CNTN3: variants seen among roughly 807,000 people sequenced by gnomAD.
CNTN3 encodes the protein contactin-3.
In CNTN3, 60 loss-of-function variants were observed where a neutral mutation model predicts 119.1. The observed-to-expected ratio is 0.50, with a 90% confidence interval of 0.41 to 0.62. The LOEUF is 0.62. CNTN3 is among the 20% of genes least tolerant of loss of function. The pLI is 0.00. For missense variants in CNTN3, 1,101 were observed against 1,242.4 expected (o/e 0.89, Z 1.71); for synonymous variants, 450 against 438.7 (o/e 1.03, Z -0.32).
At chr3:74,472,250 T>C (rs9819617) in intron 4 of CNTN3, among the ~76,000 whole-genome samples, 46,735 of 152,104 alleles carry the variant, frequency 0.31, 7,356 homozygotes, top group Non-Finnish European at 0.35. Context: ...CTCATCTCAA[T>C]ATGCTTTTAG....
chr3:74,496,075 C>A (rs1241511667), intron 3 of CNTN3, among the ~76,000 whole-genome samples: 2 of 152,016 alleles, frequency 1.3e-5, no homozygotes, highest in South Asian at 2.1e-4. Flanking sequence ...TGTGACTGAA[C>A]AACTGAATTT....
intron 1 of CNTN3, among the ~76,000 whole-genome samples, chr3:74,609,896 T>C (rs2106717181): frequency 6.6e-6 from 1 of 152,254 alleles, no homozygotes. Context: ...TTCCAAGTTA[T>C]ACTAAGCATA....
chr3:74,449,602 G>C (rs1366611759), intron 4 of CNTN3, among the ~76,000 whole-genome samples: 2 of 152,080 alleles, frequency 1.3e-5, no homozygotes, highest in African/African-American at 4.8e-5. Flanking sequence ...AGTCAGACCA[G>C]TGATCTGAGG....
At chr3:74,425,210 G>C (rs1379072329) in intron 4 of CNTN3, among the ~76,000 whole-genome samples, 1 of 152,048 alleles carries the variant, frequency 6.6e-6, no homozygotes, top group Non-Finnish European at 1.5e-5. Flanking sequence ...CCAACAGGTA[G>C]GTAGTTTTCT....
chr3:74,472,336 G>A (rs1056254793), intron 4 of CNTN3, among the ~76,000 whole-genome samples: 1 of 152,034 alleles, frequency 6.6e-6, no homozygotes, highest in African/African-American at 2.4e-5. Context: ...TCACATATAT[G>A]CACCTTAAAA....
intron 1 of CNTN3, among the ~76,000 whole-genome samples, chr3:74,538,489 G>A (rs913272153): frequency 2.0e-5 from 3 of 152,034 alleles, no homozygotes; most frequent in South Asian, 2.1e-4. Context: ...TTAGCAAAAC[G>A]GGTGCTTTGA....
chr3:74,550,581 C>T (rs1237480920), intron 1 of CNTN3, among the ~76,000 whole-genome samples: 1 of 152,116 alleles, frequency 6.6e-6, no homozygotes, highest in African/African-American at 2.4e-5. Context: ...CTCTGTCACC[C>T]AGGCTGGAGT....
At chr3:74,399,345 T>A (rs34817351) in intron 5 of CNTN3, among the ~76,000 whole-genome samples, 4 of 151,868 alleles carry the variant, frequency 2.6e-5, no homozygotes, top group Non-Finnish European at 5.9e-5. Flanking sequence ...CCCATCCATG[T>A]GATCATTTGT....
At chr3:74,279,772 C>T (rs911500665) in intron 20 of CNTN3, among the ~76,000 whole-genome samples, 2 of 151,928 alleles carry the variant, frequency 1.3e-5, no homozygotes, top group Non-Finnish European at 2.9e-5. Flanking sequence ...ACCACCTGTA[C>T]CCCACTAACC....
At chr3:74,583,021 C>A (rs182369942) in intron 1 of CNTN3, among the ~76,000 whole-genome samples, 2 of 152,058 alleles carry the variant, frequency 1.3e-5, no homozygotes, top group Non-Finnish European at 2.9e-5. Flanking sequence ...GGAGACACAC[C>A]AGAGTTGGTC....
chr3:74,483,767 C>G (rs1702803834), intron 4 of CNTN3, among the ~76,000 whole-genome samples: 1 of 152,092 alleles, frequency 6.6e-6, no homozygotes, highest in Non-Finnish European at 1.5e-5. Flanking sequence ...AGCCTCATGT[C>G]TTCTTCCAGC....
intron 1 of CNTN3, among the ~76,000 whole-genome samples, chr3:74,550,745 T>C (rs918152805): frequency 6.6e-6 from 1 of 152,190 alleles, no homozygotes; most frequent in Non-Finnish European, 1.5e-5. Flanking sequence ...TCTTGCCATG[T>C]TGCCCAGGCT....
At chr3:74,408,418 GA>G (rs893742404) in intron 5 of CNTN3, among the ~76,000 whole-genome samples, 4 of 152,144 alleles carry the variant, frequency 2.6e-5, no homozygotes, top group Non-Finnish European at 5.9e-5. Context: ...AGGTATCACA[GA>G]AAAAGAAAGT....
intron 20 of CNTN3, among the ~76,000 whole-genome samples, chr3:74,270,152 ATGT>A (rs1471849702): frequency 6.6e-6 from 1 of 152,084 alleles, no homozygotes; most frequent in African/African-American, 2.4e-5. Flanking sequence ...GCTCTCACTG[ATGT>A]TGGCGTTGGC....
intron 1 of CNTN3, among the ~76,000 whole-genome samples, chr3:74,570,964 T>C (rs763169955): frequency 1.3e-5 from 2 of 152,328 alleles, no homozygotes; most frequent in African/African-American, 2.4e-5. Flanking sequence ...CTTGGAAATA[T>C]GATAATGAAA....
At chr3:74,548,818 C>T (rs2107157079) in intron 1 of CNTN3, among the ~76,000 whole-genome samples, 1 of 152,272 alleles carries the variant, frequency 6.6e-6, no homozygotes, top group Middle Eastern at 3.4e-3. Flanking sequence ...TTGGCTTTTA[C>T]ATTTAAATTA....
At chr3:74,531,492 A>T (rs1176590270) in intron 1 of CNTN3, among the ~76,000 whole-genome samples, 1 of 151,984 alleles carries the variant, frequency 6.6e-6, no homozygotes, top group Non-Finnish European at 1.5e-5. Context: ...TCTTAGAGAA[A>T]AAGGTCGGCT....
At chr3:74,538,409 GT>G (rs1186157894) in intron 1 of CNTN3, among the ~76,000 whole-genome samples, 1 of 152,136 alleles carries the variant, frequency 6.6e-6, no homozygotes, top group East Asian at 1.9e-4. Flanking sequence ...CTGAACTTCA[GT>G]TAAAATTCTC....
intron 1 of CNTN3, among the ~76,000 whole-genome samples, chr3:74,594,156 G>T (rs1349323421): frequency 1.3e-5 from 2 of 151,756 alleles, no homozygotes; most frequent in Admixed American, 6.6e-5. Flanking sequence ...TCCTAGTGTA[G>T]TCTGTGTGGT....
Sources: gnomAD v4.1 joint callset for allele counts (sites outside exome capture counted in the v4.1 genomes callset) on GRCh38, gnomAD v4.1.1 for gene constraint, MANE v1.5 for transcripts, NCBI Gene and HGNC (gene_info 2026-07-23, HGNC 2026-07-21) for gene names.